TMPRSS11E: variants seen among roughly 807,000 people sequenced by gnomAD.
TMPRSS11E encodes the protein transmembrane protease serine 11E.
Under a neutral mutation model 48.1 loss-of-function variants are expected in TMPRSS11E, and 38 were observed. The observed-to-expected ratio is 0.79, with a 90% CI of 0.61 to 1.04. The LOEUF (loss-of-function observed/expected upper bound fraction) is 1.04, where lower values mean the gene tolerates loss of function less well. Ranked by LOEUF, TMPRSS11E falls within the 50% of genes least tolerant of loss-of-function variation. The probability of loss-of-function intolerance (pLI) is 0.00; values close to 1 mark genes in which losing one functional copy is unlikely to be tolerated. For missense variants in TMPRSS11E, 530 were observed against 510.8 expected (o/e 1.04, Z -0.36); for synonymous variants, 158 against 171.9 (o/e 0.92, Z 0.63).
At chr4:68,454,816 A>G (rs1443495293) in intron 1 of TMPRSS11E, among the ~76,000 whole-genome samples, 1 of 151,860 alleles carries the variant, frequency 6.6e-6, no homozygotes, top group Non-Finnish European at 1.5e-5. Flanking sequence ...GGGTCTAGAG[A>G]TTTTAAAAAG....
chr4:68,458,019 C>T (rs1248302982), intron 1 of TMPRSS11E, among the ~76,000 whole-genome samples: 3 of 152,088 alleles, frequency 2.0e-5, no homozygotes, highest in Admixed American at 6.6e-5. Flanking sequence ...CACCATGGCA[C>T]GTGTATACCT....
At chr4:68,487,979 G>A (rs1270766194) in intron 9 of TMPRSS11E, among the ~76,000 whole-genome samples, 1 of 148,962 alleles carries the variant, frequency 6.7e-6, no homozygotes, top group East Asian at 2.0e-4. Flanking sequence ...TGCTGGCTGA[G>A]TATAGGTCCC....
chr4:68,469,032 G>T, intron 4 of TMPRSS11E, 86 bp downstream of exon 4: 1 of 1,075,072 alleles, frequency 9.3e-7, no homozygotes. Context: ...AAGTGTTAAA[G>T]ATATAATTCA....
intron 9 of TMPRSS11E, among the ~76,000 whole-genome samples, chr4:68,487,548 A>G (rs1212381736): frequency 6.6e-6 from 1 of 152,044 alleles, no homozygotes; most frequent in Non-Finnish European, 1.5e-5. Context: ...AACCATGCCT[A>G]GCCAGGTAAT....
At chr4:68,472,392 T>C (rs899099292) in intron 5 of TMPRSS11E, among the ~76,000 whole-genome samples, 6 of 150,740 alleles carry the variant, frequency 4.0e-5, no homozygotes, top group Admixed American at 6.7e-5. Flanking sequence ...GTCCAAAGTA[T>C]TATCATTTAA....
chr4:68,460,438 C>T (rs1036943066), intron 1 of TMPRSS11E, among the ~76,000 whole-genome samples: 3 of 152,124 alleles, frequency 2.0e-5, no homozygotes, highest in Non-Finnish European at 2.9e-5. Context: ...TTATCCCGCC[C>T]CTTACTGATA....
In TMPRSS11E at chr4:68,461,082, C is replaced by T. The variant is rs576466327; in HGVS notation, c.12-739C>T. Among the ~76,000 whole-genome samples, 5 of 152,138 alleles carry T rather than the reference C, an allele frequency of 3.3e-5. 1 individual carries two copies. In the East Asian group the frequency reaches 7.8e-4, roughly 24 times the overall value. On this transcript the variant is annotated intron_variant, in intron 1 of 9. Transcript: ENST00000305363. Reference sequence around the variant, plus strand: ...ATTTTTAGTAGAGACGGGGTTTCACCATGTTAGCCAGGATGGTCTTGATCT... The same window carrying T: ...ATTTTTAGTAGAGACGGGGTTTCACTATGTTAGCCAGGATGGTCTTGATCT...
chr4:68,474,779 A>G lies in TMPRSS11E; in HGVS notation c.529+18A>G. 1 of 1,589,584 alleles carries G rather than the reference A, an allele frequency of 6.3e-7. No homozygotes were observed. On this transcript the variant is annotated intron_variant, in intron 6 of 9. Coordinates refer to ENST00000305363, the MANE Select transcript of TMPRSS11E (RefSeq NM_014058.4). ...AAACCATTGTAAGTTTAATATATTT[A>G]TTAAAATAGCATTACCTGAAGGTAA... is the stretch of plus-strand genomic sequence containing the variant.
chr4:68,454,745 A>G (rs1018108737), intron 1 of TMPRSS11E, among the ~76,000 whole-genome samples: 5 of 151,966 alleles, frequency 3.3e-5, no homozygotes, highest in African/African-American at 1.2e-4. Context: ...ACAGCAAGCC[A>G]GAGGACACAA....
At chr4:68,489,671 C>A (rs190429844) in intron 9 of TMPRSS11E, among the ~76,000 whole-genome samples, 1 of 152,166 alleles carries the variant, frequency 6.6e-6, no homozygotes, top group Non-Finnish European at 1.5e-5. Context: ...GCAGGGTCTG[C>A]CATCAAAATA....
intron 5 of TMPRSS11E, among the ~76,000 whole-genome samples, chr4:68,473,006 A>G (rs1158187680): frequency 6.6e-6 from 1 of 152,066 alleles, no homozygotes; most frequent in Non-Finnish European, 1.5e-5. Flanking sequence ...AAATTATGCA[A>G]CTATATTTCG....
At chr4:68,481,289 C>A (rs1401192050) in intron 9 of TMPRSS11E, among the ~76,000 whole-genome samples, 1 of 152,144 alleles carries the variant, frequency 6.6e-6, no homozygotes, top group African/African-American at 2.4e-5. Context: ...TATGGCAGAA[C>A]AATTTGTATT....
In TMPRSS11E at chr4:68,497,016, A is replaced by G. The variant is rs1729890898; in HGVS notation, c.*212A>G. 2.0e-6 allele frequency: 1 copy of G among 503,284 alleles called. No homozygotes were observed. The highest frequency in any genetic ancestry group is 3.7e-5 in the Admixed American group (1 of 27,026). 31.2% of individuals were successfully genotyped at this position (503,284 alleles called of 1,614,324 possible). On this transcript the variant is annotated 3_prime_UTR_variant, in exon 10 of 10. Transcript: ENST00000305363. ...CAGATCAACTCTGTCATCTGTGAGC[A>G]ATAGTTGAAACTTTATGTACATAGA...
chr4:68,469,887 C>T (rs765025767), intron 4 of TMPRSS11E, among the ~76,000 whole-genome samples: 4 of 151,932 alleles, frequency 2.6e-5, no homozygotes, highest in Non-Finnish European at 4.4e-5. Context: ...TCCTTCCTTT[C>T]CTGGTCCCCT....
intron 1 of TMPRSS11E, among the ~76,000 whole-genome samples, chr4:68,460,003 T>A (rs2109670388): frequency 6.6e-6 from 1 of 152,300 alleles, no homozygotes; most frequent in Admixed American, 6.5e-5. Context: ...ATTGACATTC[T>A]AGGAACAGGT....
At chr4:68,491,646 G>A (rs1364916045) in intron 9 of TMPRSS11E, among the ~76,000 whole-genome samples, 1 of 152,128 alleles carries the variant, frequency 6.6e-6, no homozygotes, top group Non-Finnish European at 1.5e-5. Flanking sequence ...CATGGAGGGG[G>A]CCAATAACTG....
At chr4:68,466,549 A>G (rs890497872) in intron 2 of TMPRSS11E, 82 bp from the exon 3 acceptor site, 4 of 1,491,124 alleles carry the variant, frequency 2.7e-6, no homozygotes, top group South Asian at 1.2e-5. Flanking sequence ...TCAGTCTTCC[A>G]GCAACCACCA....
intron 1 of TMPRSS11E, among the ~76,000 whole-genome samples, chr4:68,449,085 T>G (rs1245549325): frequency 6.6e-6 from 1 of 151,730 alleles, no homozygotes; most frequent in Non-Finnish European, 1.5e-5. Flanking sequence ...AGATTTCGGA[T>G]AGCCTTCTCC....
intron 9 of TMPRSS11E, among the ~76,000 whole-genome samples, chr4:68,493,632 A>G (rs1729791291): frequency 6.6e-6 from 1 of 151,926 alleles, no homozygotes; most frequent in African/African-American, 2.4e-5. Context: ...ACACCAGACT[A>G]ATTTTTGTAT....
Sources: gnomAD v4.1 joint callset for allele counts (sites outside exome capture counted in the v4.1 genomes callset) on GRCh38, gnomAD v4.1.1 for gene constraint, MANE v1.5 for transcripts, NCBI Gene and HGNC (gene_info 2026-07-23, HGNC 2026-07-21) for gene names.